Variants in MYO5B observed in about 807,000 individuals in gnomAD.
MYO5B encodes unconventional myosin-Vb.
Under a neutral mutation model 229.3 loss-of-function variants are expected in MYO5B, and 143 were observed. The observed-to-expected ratio is 0.62, with a 90% CI of 0.54 to 0.72. MYO5B has a LOEUF of 0.72. Among genes scored for constraint, MYO5B ranks in the 30% least tolerant of loss-of-function variants. The pLI is 0.00. For synonymous variants in MYO5B, 918 were observed against 885.2 expected (o/e 1.04, Z -0.66); for missense variants, 2,321 against 2,331.0 (o/e 1.00, Z 0.09).
At chr18:50,087,097 G>A (rs1450679386) in intron 1 of MYO5B, among the ~76,000 whole-genome samples, 1 of 152,146 alleles carries the variant, frequency 6.6e-6, no homozygotes, top group Non-Finnish European at 1.5e-5. Flanking sequence ...CTCAATACCA[G>A]AACATGCAGC....
intron 1 of MYO5B, among the ~76,000 whole-genome samples, chr18:50,185,402 A>G (rs2033134644): frequency 1.3e-5 from 2 of 152,216 alleles, no homozygotes; most frequent in Admixed American, 1.3e-4. Context: ...AAGACTATAA[A>G]TGTGCATGCC....
intron 1 of MYO5B, among the ~76,000 whole-genome samples, chr18:50,095,739 G>T (rs918881570): frequency 6.6e-6 from 1 of 152,212 alleles, no homozygotes; most frequent in Non-Finnish European, 1.5e-5. Flanking sequence ...ACCCATGTGA[G>T]AAATGACTAC....
chr18:50,025,719 A>G (rs2026323700), intron 4 of MYO5B, among the ~76,000 whole-genome samples: 1 of 152,160 alleles, frequency 6.6e-6, no homozygotes, highest in African/African-American at 2.4e-5. Flanking sequence ...CTAAGATGGA[A>G]TGGCCACCTT....
intron 1 of MYO5B, among the ~76,000 whole-genome samples, chr18:50,059,081 C>G (rs1330920911): frequency 6.6e-6 from 1 of 152,210 alleles, no homozygotes; most frequent in Non-Finnish European, 1.5e-5. Context: ...TCTTTCACAT[C>G]AGTTTCACCT....
chr18:49,939,619 C>T (rs184861106), intron 14 of MYO5B, among the ~76,000 whole-genome samples: 132 of 152,306 alleles, frequency 8.7e-4, no homozygotes, highest in African/African-American at 2.9e-3. Context: ...CGGAATCCTG[C>T]TCCAACCTCT....
chr18:49,963,393 T>TA (rs2025583444), intron 10 of MYO5B, among the ~76,000 whole-genome samples: 1 of 146,276 alleles, frequency 6.8e-6, no homozygotes, highest in Non-Finnish European at 1.5e-5. Flanking sequence ...ACATTTTACT[T>TA]ATTTAATTTA....
At chr18:50,119,963 A>G (rs2032030363) in intron 1 of MYO5B, among the ~76,000 whole-genome samples, 1 of 152,008 alleles carries the variant, frequency 6.6e-6, no homozygotes, top group Non-Finnish European at 1.5e-5. Flanking sequence ...TCATAGCTCC[A>G]AAGTTGAATA....
chr18:49,849,897 A>G (rs1236425251), intron 31 of MYO5B: 1 of 531,908 alleles, frequency 1.9e-6, no homozygotes, highest in African/African-American at 1.9e-5. Context: ...GACTCCTCCC[A>G]GGTCAGGCTC....
intron 17 of MYO5B, among the ~76,000 whole-genome samples, chr18:49,929,114 T>G (rs1355278507): frequency 6.6e-6 from 1 of 152,112 alleles, no homozygotes; most frequent in South Asian, 2.1e-4. Flanking sequence ...AAAAACCTAC[T>G]GAAAAAATTT....
chr18:49,937,008 G>A (rs929171340), intron 15 of MYO5B, among the ~76,000 whole-genome samples: 3 of 152,176 alleles, frequency 2.0e-5, no homozygotes, highest in East Asian at 1.9e-4. Context: ...CACCACAGGC[G>A]TTAACATACT....
chr18:50,046,792 A>T (rs1319903366), intron 2 of MYO5B, among the ~76,000 whole-genome samples: 1 of 152,204 alleles, frequency 6.6e-6, no homozygotes, highest in Admixed American at 6.5e-5. Flanking sequence ...CCGCATATCT[A>T]CAACTATCTA....
intron 10 of MYO5B, 48 bp downstream of exon 10, chr18:49,974,302 G>T: frequency 6.2e-7 from 1 of 1,613,532 alleles, no homozygotes; most frequent in Non-Finnish European, 8.5e-7. Flanking sequence ...GTATGAGCAG[G>T]AAGCCACTCC....
chr18:49,920,943 G>C (rs2025067662), intron 17 of MYO5B, among the ~76,000 whole-genome samples: 1 of 152,180 alleles, frequency 6.6e-6, no homozygotes, highest in African/African-American at 2.4e-5. Context: ...AAAAGAGCCA[G>C]ACCCAAAGGC....
chr18:49,981,947 G>A (rs2025820225), intron 8 of MYO5B, among the ~76,000 whole-genome samples: 1 of 152,164 alleles, frequency 6.6e-6, no homozygotes, highest in Admixed American at 6.5e-5. Flanking sequence ...GTAAAACACT[G>A]GGGTTTTTTG....
intron 3 of MYO5B, among the ~76,000 whole-genome samples, chr18:50,037,461 A>C (rs2026461931): frequency 6.6e-6 from 1 of 152,228 alleles, no homozygotes; most frequent in Non-Finnish European, 1.5e-5. Context: ...AATACAATTT[A>C]CATATCTTGA....
rs2032289142 is a variant in MYO5B, at chr18:50,133,650, C to T, written c.27+61117G>A. ...ATGACTGTCCTGGTATATTACACTC[C>T]AGCTTATTCCTCACTTTGCAAGGTG... is the stretch of plus-strand genomic sequence containing the variant. On this transcript the variant is annotated intron_variant, in intron 1 of 39. Transcript: ENST00000285039. Among the ~76,000 whole-genome samples, 3 of 152,180 alleles carry T rather than the reference C, an allele frequency of 2.0e-5. No individual in the cohort carries two copies. The South Asian group carries it at 6.2e-4, about 32-fold the overall frequency.
At chr18:50,112,181 A>T (rs2031876127) in intron 1 of MYO5B, among the ~76,000 whole-genome samples, 1 of 152,182 alleles carries the variant, frequency 6.6e-6, no homozygotes, top group Non-Finnish European at 1.5e-5. Context: ...CGAGAGAGCA[A>T]ACCTCCTAAA....
At chr18:50,041,762 G>A (rs1033273328) in intron 2 of MYO5B, among the ~76,000 whole-genome samples, 4 of 152,030 alleles carry the variant, frequency 2.6e-5, no homozygotes, top group Non-Finnish European at 4.4e-5. Context: ...AACCATGTAG[G>A]AAAATATTTA....
At chr18:49,838,543 T>C (rs891611583) in intron 36 of MYO5B, among the ~76,000 whole-genome samples, 1 of 152,198 alleles carries the variant, frequency 6.6e-6, no homozygotes, top group East Asian at 1.9e-4. Flanking sequence ...CCTACTTGTG[T>C]TGTAAGAACC....
Sources: gnomAD v4.1 joint callset for allele counts (sites outside exome capture counted in the v4.1 genomes callset) on GRCh38, gnomAD v4.1.1 for gene constraint, MANE v1.5 for transcripts, NCBI Gene and HGNC (gene_info 2026-07-23, HGNC 2026-07-21) for gene names.